The following NHSL2 variants were observed in gnomAD, a reference collection of about 807,000 sequenced individuals.
The protein encoded by NHSL2 is NHS-like protein 2.
NHSL2 carries 27 observed loss-of-function variants against 53.4 expected under a neutral mutation model. That is an observed-to-expected ratio of 0.51 (90% CI 0.37 to 0.70). The LOEUF is 0.70. Ranked by LOEUF, NHSL2 falls within the 30% of genes least tolerant of loss-of-function variation. The pLI is 0.00. For synonymous variants in NHSL2, 408 were observed against 404.1 expected (o/e 1.01, Z -0.12); for missense variants, 892 against 980.1 (o/e 0.91, Z 1.20).
At chrX:71,933,170 G>A (rs1359799573) in intron 1 of NHSL2, among the ~76,000 whole-genome samples, 1 of 111,563 alleles carries the variant, frequency 9.0e-6, no homozygotes, top group African/African-American at 3.3e-5. Flanking sequence ...TATCTGATTT[G>A]TAAACCTGGA....
At chrX:72,136,825 A>G (rs1441826835) in intron 4 of NHSL2, among the ~76,000 whole-genome samples, 2 of 112,380 alleles carry the variant, frequency 1.8e-5, no homozygotes, top group African/African-American at 3.2e-5. Context: ...TTGCAGTTTC[A>G]AAAGCTGCCC....
chrX:71,974,781 T>C (rs2041941157), intron 1 of NHSL2, among the ~76,000 whole-genome samples: 1 of 111,837 alleles, frequency 8.9e-6, no homozygotes, highest in African/African-American at 3.3e-5. Context: ...CTCTCTGCCT[T>C]GCTTTCTCCC....
At chrX:71,953,702 C>T (rs2041830537) in intron 1 of NHSL2, among the ~76,000 whole-genome samples, 1 of 111,575 alleles carries the variant, frequency 9.0e-6, no homozygotes, top group Non-Finnish European at 1.9e-5. Flanking sequence ...GCAAGGAAAG[C>T]CTAGAATATA....
intron 1 of NHSL2, among the ~76,000 whole-genome samples, chrX:72,065,713 A>G (rs2042425029): frequency 8.9e-6 from 1 of 112,250 alleles, no homozygotes; most frequent in South Asian, 3.7e-4. Context: ...TTATACATGG[A>G]AAATGGAAGC....
chrX:72,116,741 T>C (rs1433796793), intron 1 of NHSL2, among the ~76,000 whole-genome samples: 4 of 110,253 alleles, frequency 3.6e-5, no homozygotes, highest in Non-Finnish European at 7.6e-5. Flanking sequence ...CACCTGAGGA[T>C]GCTTAATAAC....
chrX:72,070,945 C>T (rs757096643), intron 1 of NHSL2, among the ~76,000 whole-genome samples: 13 of 112,132 alleles, frequency 1.2e-4, no homozygotes, highest in Admixed American at 3.8e-4. Flanking sequence ...TGCCATGCTC[C>T]GGCCCAGAGG....
intron 1 of NHSL2, among the ~76,000 whole-genome samples, chrX:71,973,002 G>A (rs1028473852): frequency 3.6e-5 from 4 of 111,087 alleles, no homozygotes; most frequent in African/African-American, 1.3e-4. Context: ...TTCCTGAGAG[G>A]GCCTAGTCTT....
intron 1 of NHSL2, among the ~76,000 whole-genome samples, chrX:71,963,962 C>CATATAT (rs201710005): frequency 2.1e-4 from 10 of 48,671 alleles, no homozygotes; most frequent in East Asian, 1.5e-3. Context: ...TATATATACA[C>CATATAT]ATATATATAT....
rs1424722864 is a variant in NHSL2 at position 71,978,869 on chromosome X, G to A, written c.280+67502G>A. The stretch of plus-strand genomic sequence containing the variant: ...GTTGGTGTGCTGCACCCATTAGCTC[G>A]TCACTTACATTAGGTATATCTCCTA... On this transcript the variant is annotated intron_variant, in intron 1 of 7. Coordinates refer to ENST00000633930, the MANE Select transcript of NHSL2 (RefSeq NM_001013627.3). 4.2e-4 allele frequency among the ~76,000 whole-genome samples: 44 copies of A among 104,998 alleles called. 2 individuals carry two copies. The Admixed American group carries it at 4.3e-3, about 10-fold the overall frequency. The allele number at this position is 104,998 out of a possible 115,157, so 91.2% of individuals were successfully genotyped here.
In NHSL2 at chrX:71,915,990, G is replaced by A. The variant is rs1326495726; in HGVS notation, c.280+4623G>A. Among the ~76,000 whole-genome samples the A allele has an allele frequency of 2.7e-5, 3 of 112,034 alleles. No individual in the cohort carries two copies. The East Asian group carries it at 8.4e-4, about 31-fold the overall frequency. ...CTCATATAGAGAATATAGAGAATAG[G>A]TGTGAGGCAACAGGCTCTCTTGTTA... On this transcript the variant is annotated intron_variant, in intron 1 of 7. Coordinates refer to ENST00000633930, the MANE Select transcript of NHSL2 (RefSeq NM_001013627.3).
chrX:72,069,405 G>A (rs1259959522), intron 1 of NHSL2, among the ~76,000 whole-genome samples: 2 of 110,253 alleles, frequency 1.8e-5, no homozygotes, highest in Non-Finnish European at 1.9e-5. Flanking sequence ...GGGAGGGGGA[G>A]AGAGAGGGAG....
intron 1 of NHSL2, among the ~76,000 whole-genome samples, chrX:72,003,416 A>C (rs1406098266): frequency 9.0e-6 from 1 of 111,660 alleles, no homozygotes; most frequent in Non-Finnish European, 1.9e-5. Context: ...CAGGGCCACT[A>C]GGTTACTCCA....
At chrX:72,060,191 A>G (rs910261716) in intron 1 of NHSL2, among the ~76,000 whole-genome samples, 1 of 112,045 alleles carries the variant, frequency 8.9e-6, no homozygotes, top group Non-Finnish European at 1.9e-5. Context: ...TCAGTTTCCT[A>G]AAGTGCGAAT....
At chrX:72,125,430 A>G (rs1190744449) in intron 1 of NHSL2, among the ~76,000 whole-genome samples, 1 of 111,500 alleles carries the variant, frequency 9.0e-6, no homozygotes, top group Non-Finnish European at 1.9e-5. Flanking sequence ...ACTGTGTACC[A>G]AGTAGTGTGC....
At chrX:72,020,184 C>T (rs769170715) in intron 1 of NHSL2, among the ~76,000 whole-genome samples, 20 of 112,562 alleles carry the variant, frequency 1.8e-4, no homozygotes, top group Admixed American at 3.7e-4. Flanking sequence ...AAAAACTCTC[C>T]GTAATTTCAC....
At chrX:72,006,224 A>G (rs1001288149) in intron 1 of NHSL2, among the ~76,000 whole-genome samples, 2 of 111,950 alleles carry the variant, frequency 1.8e-5, no homozygotes, top group Non-Finnish European at 3.8e-5. Flanking sequence ...CATGGCTTTC[A>G]TCATGTCCCT....
chrX:72,134,936 T>A (rs2042343668), intron 4 of NHSL2, among the ~76,000 whole-genome samples: 1 of 112,855 alleles, frequency 8.9e-6, no homozygotes, highest in Non-Finnish European at 1.9e-5. Context: ...GACCATTTGA[T>A]AGCAAGCAAA....
Position 72,050,471 on chromosome X carries a change from A to G in NHSL2, c.281-81608A>G, listed in dbSNP as rs1443772324. On this transcript the variant is annotated intron_variant, in intron 1 of 7. Coordinates refer to ENST00000633930, the MANE Select transcript of NHSL2 (RefSeq NM_001013627.3). The stretch of plus-strand genomic sequence containing the variant: ...TTTTTTCCTTTTTTCTTTTTTGCTT[A>G]AAAAACACTAAGGAAAAATGTCAGA... Among the ~76,000 whole-genome samples, 3 of 111,473 alleles carry G rather than the reference A, an allele frequency of 2.7e-5. No individual in the cohort carries two copies. The East Asian group carries it at 8.4e-4, about 31-fold the overall frequency.
In NHSL2 at chrX:71,919,029, A is replaced by G. The variant is rs1330551273; in HGVS notation, c.280+7662A>G. Among the ~76,000 whole-genome samples the G allele has an allele frequency of 5.3e-5, 6 of 112,203 alleles. No homozygotes were observed. The Admixed American group carries it at 5.7e-4, about 11-fold the overall frequency. ...GCACCCACACAGACACATACACATA[A>G]GAAGAAACTGGAGAAGCCTATGCCA... On this transcript the variant is annotated intron_variant, in intron 1 of 7. Coordinates refer to ENST00000633930, the MANE Select transcript of NHSL2 (RefSeq NM_001013627.3).
Sources: allele counts gnomAD v4.1 joint callset (sites outside exome capture counted in the v4.1 genomes callset), GRCh38; gene constraint gnomAD v4.1.1; transcripts MANE v1.5; gene names NCBI Gene and HGNC (gene_info 2026-07-23, HGNC 2026-07-21).